The following SFMBT1 variants were observed in gnomAD, a reference collection of about 807,000 sequenced individuals.
SFMBT1 encodes the protein scm-like with four MBT domains protein 1.
SFMBT1 carries 32 observed loss-of-function variants against 108.7 expected under a neutral mutation model. The observed-to-expected ratio is 0.29, with a 90% CI of 0.22 to 0.40. The LOEUF is 0.40. SFMBT1 is among the 10% of genes least tolerant of loss of function. The pLI is 1.00. For missense variants in SFMBT1, 816 were observed against 1,059.6 expected (o/e 0.77, Z 3.19); for synonymous variants, 348 against 369.5 (o/e 0.94, Z 0.67).
intron 1 of SFMBT1, among the ~76,000 whole-genome samples, chr3:53,036,558 G>C (rs1217309988): frequency 1.3e-5 from 2 of 152,254 alleles, no homozygotes; most frequent in African/African-American, 4.8e-5. Context: ...GGGGTAGAAG[G>C]AGAAATTCTA....
intron 3 of SFMBT1, among the ~76,000 whole-genome samples, chr3:52,946,775 C>CTT (rs1703381638): frequency 3.4e-5 from 1 of 29,278 alleles, no homozygotes; most frequent in Admixed American, 7.4e-4. Flanking sequence ...TTGCTCCATT[C>CTT]CTTTTTTTTT....
chr3:52,943,512 C>T lies in SFMBT1; in HGVS notation c.205G>A (p.Val69Ile). 6.2e-7 allele frequency: 1 copy of T among 1,614,132 alleles called. No individual in the cohort carries two copies. The highest frequency in any genetic ancestry group is 1.1e-5 in the South Asian group (1 of 91,074). The change falls in exon 4 of 21, where the codon GTT becomes ATT. Residue 69 changes from valine to isoleucine, a missense_variant. Transcript: ENST00000394752. ...AVRTDPETYW[V>I]ATVITTCEQL... ...TCACAGGTAGTGATAACGGTGGCAA[C>T]CCAGTAGGTCTCAGGATCTGTTCTC...
chr3:52,996,994 G>A (rs1257496021), intron 1 of SFMBT1, among the ~76,000 whole-genome samples: 1 of 149,476 alleles, frequency 6.7e-6, no homozygotes, highest in African/African-American at 2.4e-5. Context: ...GCTTGAACCT[G>A]GGAGGCGGAG....
intron 13 of SFMBT1, 94 bp from the exon 14 acceptor site, chr3:52,916,308 TG>T: frequency 3.5e-6 from 4 of 1,158,060 alleles, no homozygotes; most frequent in Non-Finnish European, 3.8e-6. Flanking sequence ...AGAAAGCAAA[TG>T]TGGCATGTTC....
intron 1 of SFMBT1, among the ~76,000 whole-genome samples, chr3:52,979,390 T>C (rs776686971): frequency 4.1e-4 from 62 of 152,236 alleles, no homozygotes; most frequent in Non-Finnish European, 8.4e-4. Flanking sequence ...TCCTAATCAG[T>C]AGGCAACTCT....
rs560632255 is a variant in SFMBT1 at position 53,003,743 on chromosome 3, A to C, written c.-130-34485T>G. ...TGCTGAAGAAACTGCTGCATTTGTC[A>C]GTACCATAGAAAGGTCAAAAAAAAA... On this transcript the variant is annotated intron_variant, in intron 1 of 20. Coordinates refer to ENST00000394752, the MANE Select transcript of SFMBT1 (RefSeq NM_016329.4). Among the ~76,000 whole-genome samples the C allele has an allele frequency of 5.3e-4, 70 of 132,410 alleles. 2 individuals are homozygous for C. In the South Asian group the frequency reaches 0.018, roughly 35 times the overall value. 86.9% of individuals were successfully genotyped at this position (132,410 alleles called of 152,430 possible).
intron 2 of SFMBT1, among the ~76,000 whole-genome samples, chr3:52,962,665 G>A (rs989560188): frequency 1.3e-5 from 2 of 151,824 alleles, no homozygotes; most frequent in Non-Finnish European, 2.9e-5. Context: ...AATTAGCCAG[G>A]TGCATGGTGG....
intron 1 of SFMBT1, among the ~76,000 whole-genome samples, chr3:53,029,237 A>T (rs1042109064): frequency 6.6e-6 from 1 of 152,036 alleles, no homozygotes; most frequent in Non-Finnish European, 1.5e-5. Context: ...GAAAAAGAAT[A>T]GACTACCACA....
At chr3:52,906,978 G>T in intron 19 of SFMBT1, 91 bp downstream of exon 19, 1 of 1,445,504 alleles carries the variant, frequency 6.9e-7, no homozygotes, top group Non-Finnish European at 9.2e-7. Context: ...TGTATTGAAA[G>T]AAGTAGAATG....
At chr3:52,937,444 T>C (rs1206017493) in intron 4 of SFMBT1, among the ~76,000 whole-genome samples, 1 of 152,226 alleles carries the variant, frequency 6.6e-6, no homozygotes, top group Non-Finnish European at 1.5e-5. Context: ...TTTTGCTTTC[T>C]AGTTGCATAA....
chr3:52,950,353 T>G (rs1388675749), intron 3 of SFMBT1, among the ~76,000 whole-genome samples: 1 of 152,230 alleles, frequency 6.6e-6, no homozygotes, highest in Non-Finnish European at 1.5e-5. Context: ...ACCCTTATAA[T>G]AACAATTCTA....
chr3:53,034,798 G>A (rs775008263), intron 1 of SFMBT1, among the ~76,000 whole-genome samples: 1 of 151,888 alleles, frequency 6.6e-6, no homozygotes, highest in African/African-American at 2.4e-5. Context: ...AATTAGCCAG[G>A]CGTGGTGGCA....
intron 1 of SFMBT1, among the ~76,000 whole-genome samples, chr3:52,984,726 CTGTGTG>C (rs57308874): frequency 0.19 from 26,044 of 140,096 alleles, 2,919 homozygotes; most frequent in East Asian, 0.44. Flanking sequence ...ATACTAAATA[CTGTGTG>C]TGTGTGTGTG....
At chr3:53,012,463 C>A (rs1039188599) in intron 1 of SFMBT1, among the ~76,000 whole-genome samples, 5 of 151,648 alleles carry the variant, frequency 3.3e-5, no homozygotes, top group African/African-American at 9.7e-5. Context: ...AGTGCAGTGG[C>A]GCGATCTCAG....
Position 52,943,611 on chromosome 3 carries a change from A to G in SFMBT1, c.124-18T>C. ...GTGTCCACCTTAACAGGGAAATGTT[A>G]TTAAGCACCAGACAAGTATCTTAAA... On this transcript the variant is annotated intron_variant, in intron 3 of 20. Transcript: ENST00000394752. 1.9e-6 allele frequency: 3 copies of G among 1,614,260 alleles called. No individual in the cohort carries two copies. The highest frequency in any genetic ancestry group is 2.5e-6 in the Non-Finnish European group (3 of 1,180,038).
chr3:52,985,367 C>G (rs142682806), intron 1 of SFMBT1, among the ~76,000 whole-genome samples: 281 of 152,200 alleles, frequency 1.8e-3, no homozygotes, highest in Non-Finnish European at 3.4e-3. Context: ...AACCATTTAT[C>G]AAGAAAAAAG....
At chr3:52,920,688 A>G in intron 11 of SFMBT1, 38 bp from the exon 12 acceptor site, 2 of 1,341,358 alleles carry the variant, frequency 1.5e-6, no homozygotes, top group Non-Finnish European at 2.1e-6. Flanking sequence ...CAAACAAACA[A>G]ACCTTTTTTT....
chr3:52,921,593 A>G, intron 11 of SFMBT1, 112 bp downstream of exon 11: 1 of 1,211,782 alleles, frequency 8.3e-7, no homozygotes. Context: ...AAGTCTCTGA[A>G]CAAGATCCCT....
chr3:52,918,599 G>T (rs1298779393), intron 12 of SFMBT1, 73 bp from the exon 13 acceptor site: 5 of 937,486 alleles, frequency 5.3e-6, no homozygotes, highest in Non-Finnish European at 7.9e-6. Flanking sequence ...GTGTATTAAG[G>T]TTACATTAGC....
Sources: gnomAD v4.1 joint callset for allele counts (sites outside exome capture counted in the v4.1 genomes callset) on GRCh38, gnomAD v4.1.1 for gene constraint, MANE v1.5 for transcripts, NCBI Gene and HGNC (gene_info 2026-07-23, HGNC 2026-07-21) for gene names.